FMN1: variants seen among roughly 807,000 people sequenced by gnomAD.
FMN1 encodes the protein formin-1.
In FMN1, 110 loss-of-function variants were observed where a neutral mutation model predicts 132.4. The ratio of observed to expected loss-of-function variants is 0.83; its 90% confidence interval spans 0.71 to 0.97. The LOEUF is 0.97. Ranked by LOEUF, FMN1 falls within the 50% of genes least tolerant of loss-of-function variation. The pLI is 0.00. For missense variants in FMN1, 1,792 were observed against 1,705.3 expected, an observed-to-expected ratio of 1.05 and a Z score of -0.90; for synonymous variants, 722 against 651.7, an observed-to-expected ratio of 1.11 and a Z score of -1.64.
At chr15:33,162,330 C>T (rs1199584348) in intron 3 of FMN1, among the ~76,000 whole-genome samples, 1 of 151,578 alleles carries the variant, frequency 6.6e-6, no homozygotes, top group African/African-American at 2.4e-5. Flanking sequence ...ACAACCTCCA[C>T]ACTGTAGGAG....
At chr15:33,012,206 G>T in intron 6 of FMN1, 3 of 632,898 alleles carry the variant, frequency 4.7e-6, no homozygotes, top group South Asian at 3.1e-5. Flanking sequence ...ACCGATAAGT[G>T]CCTGAGGAAT....
intron 7 of FMN1, among the ~76,000 whole-genome samples, chr15:32,997,885 A>C (rs149307187): frequency 2.6e-4 from 39 of 152,368 alleles, no homozygotes; most frequent in African/African-American, 8.7e-4. Flanking sequence ...AGGGAAAAGA[A>C]AAGACACAAA....
At chr15:32,820,518 C>CAT (rs111363062) in intron 17 of FMN1, among the ~76,000 whole-genome samples, 58 of 151,664 alleles carry the variant, frequency 3.8e-4, no homozygotes, top group African/African-American at 8.0e-4. Context: ...TCCCCCAACA[C>CAT]ATATATATAT....
At chr15:33,152,350 A>T (rs2140278971) in intron 4 of FMN1, among the ~76,000 whole-genome samples, 1 of 152,354 alleles carries the variant, frequency 6.6e-6, no homozygotes, top group South Asian at 2.1e-4. Context: ...ATGATGCTAT[A>T]CCAGTAACAG....
At chr15:32,956,818 A>C (rs897865075) in intron 9 of FMN1, among the ~76,000 whole-genome samples, 1 of 152,328 alleles carries the variant, frequency 6.6e-6, no homozygotes, top group East Asian at 1.9e-4. Flanking sequence ...TAAACTTGGA[A>C]AGCAATAGGT....
intron 4 of FMN1, among the ~76,000 whole-genome samples, chr15:33,128,564 C>T (rs562936725): frequency 1.8e-4 from 28 of 152,352 alleles, no homozygotes; most frequent in Admixed American, 1.2e-3. Flanking sequence ...TCCGGAGTTT[C>T]TTGCTTCCGA....
chr15:33,111,038 T>C (rs1275661025), intron 4 of FMN1, among the ~76,000 whole-genome samples: 2 of 152,144 alleles, frequency 1.3e-5, no homozygotes, highest in African/African-American at 2.4e-5. Flanking sequence ...AATGTTAGTT[T>C]TACATTTTTA....
At chr15:32,985,318 C>T (rs539377324) in intron 7 of FMN1, among the ~76,000 whole-genome samples, 5 of 152,108 alleles carry the variant, frequency 3.3e-5, no homozygotes, top group Non-Finnish European at 7.4e-5. Flanking sequence ...TCCTCTTCCT[C>T]CCTTTGAGAT....
intron 16 of FMN1, among the ~76,000 whole-genome samples, chr15:32,862,614 G>A (rs1182458187): frequency 1.3e-5 from 2 of 152,118 alleles, no homozygotes; most frequent in African/African-American, 4.8e-5. Flanking sequence ...TAAGAACAAG[G>A]GAATAAAGCT....
intron 4 of FMN1, among the ~76,000 whole-genome samples, chr15:33,113,780 A>C (rs1212909222): frequency 2.0e-5 from 3 of 152,080 alleles, no homozygotes; most frequent in Non-Finnish European, 4.4e-5. Context: ...CAGTTCTTTC[A>C]TCTGTGACTC....
intron 3 of FMN1, among the ~76,000 whole-genome samples, chr15:33,172,365 C>T (rs1199340089): frequency 6.6e-6 from 1 of 152,018 alleles, no homozygotes; most frequent in African/African-American, 2.4e-5. Context: ...ATGGAGGTTC[C>T]ATGATAAAGT....
intron 17 of FMN1, chr15:32,837,335 G>C (rs1249712352): frequency 1.2e-5 from 2 of 167,906 alleles, no homozygotes; most frequent in African/African-American, 4.8e-5. Flanking sequence ...ATGGTGCAGG[G>C]ATCTGGGTGG....
chr15:32,888,854 CA>C (rs2059957414), intron 15 of FMN1, among the ~76,000 whole-genome samples: 1 of 141,480 alleles, frequency 7.1e-6, no homozygotes, highest in African/African-American at 2.7e-5. Context: ...CACATATACA[CA>C]GGTTTTTTTT....
At chr15:33,082,940 T>A (rs943238180) in intron 5 of FMN1, among the ~76,000 whole-genome samples, 5 of 152,176 alleles carry the variant, frequency 3.3e-5, no homozygotes, top group Non-Finnish European at 7.4e-5. Flanking sequence ...GGAAACTTCA[T>A]GGCCCAAAAG....
chr15:32,786,592 C>A (rs1045766119), intron 19 of FMN1, among the ~76,000 whole-genome samples: 1 of 152,152 alleles, frequency 6.6e-6, no homozygotes, highest in African/African-American at 2.4e-5. Context: ...CAGGCCAAGG[C>A]ACAAGGAATA....
At chr15:32,898,562 T>G (rs896870474) in intron 15 of FMN1, among the ~76,000 whole-genome samples, 2 of 152,168 alleles carry the variant, frequency 1.3e-5, no homozygotes, top group African/African-American at 4.8e-5. Flanking sequence ...AACCTCACAA[T>G]CTGGCCATAA....
chr15:33,014,690 C>A (rs2034936634), intron 6 of FMN1, among the ~76,000 whole-genome samples: 1 of 152,160 alleles, frequency 6.6e-6, no homozygotes, highest in African/African-American at 2.4e-5. Flanking sequence ...CTTTCTTAGT[C>A]TAGTATTTAG....
intron 6 of FMN1, among the ~76,000 whole-genome samples, chr15:33,031,554 G>A (rs1159904527): frequency 2.0e-5 from 3 of 152,074 alleles, no homozygotes; most frequent in Non-Finnish European, 1.5e-5. Flanking sequence ...ATATGTACTC[G>A]TCCTCTTCTT....
In FMN1 at chr15:32,772,936, A is replaced by ATT. The variant is rs2056298919; in HGVS notation, c.*1372_*1373dup. On this transcript the variant is annotated 3_prime_UTR_variant, in exon 21 of 21. Transcript: ENST00000616417. ...CATGTGGAGGCTGGATCAGGAAGGA[A>ATT]TTTAAGATTTCTGCTCATCTCTGGA... 6.6e-6 allele frequency: 1 copy of ATT among 152,350 alleles called. No individual in the cohort carries two copies. The highest frequency in any genetic ancestry group is 1.5e-5 in the Non-Finnish European group (1 of 68,204). The allele number at this position is 152,350 out of a possible 1,614,324, so 9.4% of individuals were successfully genotyped here. A position where few individuals can be genotyped will look rare whatever the true frequency, so the allele number is the denominator to read the frequency against.
Sources: allele counts gnomAD v4.1 joint callset (sites outside exome capture counted in the v4.1 genomes callset), GRCh38; gene constraint gnomAD v4.1.1; transcripts MANE v1.5; gene names NCBI Gene and HGNC (gene_info 2026-07-23, HGNC 2026-07-21).